DTNB: variants seen among roughly 807,000 people sequenced by gnomAD.
The protein encoded by DTNB is dystrobrevin beta.
DTNB carries 63 observed loss-of-function variants against 90.7 expected under a neutral mutation model. The ratio of observed to expected loss-of-function variants is 0.69; its 90% CI spans 0.57 to 0.86. DTNB has a LOEUF of 0.86. DTNB is among the 40% of genes least tolerant of loss of function. DTNB has a pLI of 0.00. For missense variants in DTNB, 744 were observed against 807.1 expected, an observed-to-expected ratio of 0.92 and a Z score of 0.95; for synonymous variants, 277 against 286.7, an observed-to-expected ratio of 0.97 and a Z score of 0.34.
intron 12 of DTNB, among the ~76,000 whole-genome samples, chr2:25,443,822 A>T (rs2057956742): frequency 6.6e-6 from 1 of 152,256 alleles, no homozygotes; most frequent in South Asian, 2.1e-4. Context: ...ATATATTTTT[A>T]AAATACTTCA....
intron 9 of DTNB, among the ~76,000 whole-genome samples, chr2:25,513,074 TGAAA>T (rs996856990): frequency 1.3e-5 from 2 of 152,144 alleles, no homozygotes; most frequent in African/African-American, 4.8e-5. Flanking sequence ...TTGAGAAGAA[TGAAA>T]GAGAGCTAAC....
At chr2:25,465,816 T>C (rs763824778) in intron 10 of DTNB, among the ~76,000 whole-genome samples, 37 of 152,214 alleles carry the variant, frequency 2.4e-4, no homozygotes, top group Non-Finnish European at 5.0e-4. Flanking sequence ...CCATTCACTC[T>C]CTATTTTTCT....
intron 10 of DTNB, among the ~76,000 whole-genome samples, chr2:25,472,471 C>A (rs2062986351): frequency 1.3e-5 from 2 of 152,222 alleles, no homozygotes; most frequent in South Asian, 4.2e-4. Context: ...GAAGGGCTGG[C>A]AAGGGTCAGC....
At chr2:25,619,504 C>T (rs886774020) in intron 4 of DTNB, among the ~76,000 whole-genome samples, 1 of 152,168 alleles carries the variant, frequency 6.6e-6, no homozygotes, top group East Asian at 1.9e-4. Flanking sequence ...AGAATGCCTG[C>T]TGCTTTTCAT....
chr2:25,419,307 G>A lies in DTNB; in HGVS notation c.1575+208C>T, dbSNP rs750745202. The A allele has an allele frequency of 2.6e-4, 180 of 705,126 alleles. 1 individual carries two copies. Among genetic ancestry groups the A allele is most frequent in the Middle Eastern group, 4.8e-4 (2 of 4,196 alleles). The allele number at this position is 705,126 out of a possible 1,614,324, so 43.7% of individuals were successfully genotyped here. ...AACAGATGGGTACTTACAAGCTCTGGTTTTAAGTAAGAACATGCTCTACTG... is the reference window on the plus strand; with the variant it reads ...AACAGATGGGTACTTACAAGCTCTGATTTTAAGTAAGAACATGCTCTACTG... On this transcript the variant is annotated intron_variant, in intron 16 of 20. Coordinates refer to ENST00000406818, the MANE Select transcript of DTNB (RefSeq NM_021907.5).
At chr2:25,641,515 A>G (rs2078298846) in intron 2 of DTNB, among the ~76,000 whole-genome samples, 1 of 152,090 alleles carries the variant, frequency 6.6e-6, no homozygotes, top group Admixed American at 6.6e-5. Flanking sequence ...CTCCCACTTC[A>G]GCATCCTGAG....
intron 6 of DTNB, among the ~76,000 whole-genome samples, chr2:25,588,897 C>T (rs2062967958): frequency 6.6e-6 from 1 of 152,186 alleles, no homozygotes; most frequent in Non-Finnish European, 1.5e-5. Context: ...TACTAATCCA[C>T]ACCAAAGTAC....
chr2:25,499,181 CAA>C lies in DTNB; in HGVS notation c.1002-16310_1002-16309del, dbSNP rs34793068. Among the ~76,000 whole-genome samples, 50 of 142,386 alleles carry C rather than the reference CAA, an allele frequency of 3.5e-4. No individual in the cohort carries two copies. In the South Asian group the frequency reaches 0.011, roughly 32 times the overall value. 93.4% of individuals were successfully genotyped at this position (142,386 alleles called of 152,430 possible). A position where few individuals can be genotyped will look rare whatever the true frequency, so the allele number is the denominator to read the frequency against. ...GCACTCAGTCGAGATCGTGTCATTGCAAAAAAAAAAACCAAACAAACAAAAAC... is the reference window on the plus strand; with the variant it reads ...GCACTCAGTCGAGATCGTGTCATTGCAAAAAAAAACCAAACAAACAAAAAC... On this transcript the variant is annotated intron_variant, in intron 9 of 20. Transcript: ENST00000406818.
chr2:25,595,939 A>T, intron 6 of DTNB, 147 bp downstream of exon 6: 5 of 406,952 alleles, frequency 1.2e-5, no homozygotes, highest in East Asian at 2.3e-4. Flanking sequence ...CCCCGCTTTT[A>T]TTCATCCACT....
At chr2:25,436,030 G>A (rs2055637704) in intron 12 of DTNB, among the ~76,000 whole-genome samples, 1 of 152,138 alleles carries the variant, frequency 6.6e-6, no homozygotes, top group Admixed American at 6.6e-5. Context: ...TCTGACCCTT[G>A]TTAACTCCTT....
At chr2:25,556,071 CTTA>C (rs1051537972) in intron 8 of DTNB, among the ~76,000 whole-genome samples, 1 of 151,194 alleles carries the variant, frequency 6.6e-6, no homozygotes, top group African/African-American at 2.4e-5. Flanking sequence ...ATCTATTTCA[CTTA>C]TTATGACTAC....
At chr2:25,655,068 G>A (rs964648566) in intron 1 of DTNB, among the ~76,000 whole-genome samples, 6 of 152,194 alleles carry the variant, frequency 3.9e-5, no homozygotes, top group Non-Finnish European at 8.8e-5. Context: ...ACCAGGCTAC[G>A]CTAAGGTCTA....
intron 4 of DTNB, among the ~76,000 whole-genome samples, chr2:25,610,715 C>A (rs936461790): frequency 1.4e-5 from 2 of 147,500 alleles, no homozygotes; most frequent in African/African-American, 5.0e-5. Flanking sequence ...AACTTCTATC[C>A]TTTTTTTTTT....
chr2:25,381,792 A>G (rs756830500), intron 19 of DTNB, among the ~76,000 whole-genome samples: 8 of 152,192 alleles, frequency 5.3e-5, no homozygotes, highest in Non-Finnish European at 1.2e-4. Flanking sequence ...GAATCTGCAG[A>G]ATCTTCTTCC....
intron 15 of DTNB, among the ~76,000 whole-genome samples, chr2:25,421,717 G>A (rs1247948321): frequency 6.6e-6 from 1 of 152,190 alleles, no homozygotes; most frequent in Non-Finnish European, 1.5e-5. Context: ...CTGTTTCTAA[G>A]ACATCTCCCT....
intron 8 of DTNB, among the ~76,000 whole-genome samples, chr2:25,554,739 T>C (rs979695332): frequency 7.2e-5 from 11 of 152,172 alleles, no homozygotes; most frequent in African/African-American, 2.7e-4. Context: ...ATGGAGATCA[T>C]TTGAAAAAGA....
At chr2:25,478,097 T>C (rs963546566) in intron 10 of DTNB, among the ~76,000 whole-genome samples, 2 of 152,142 alleles carry the variant, frequency 1.3e-5, no homozygotes, top group Non-Finnish European at 2.9e-5. Flanking sequence ...TGACTTAATA[T>C]GCCATGCTAT....
At chr2:25,406,656 A>G (rs60462983) in intron 16 of DTNB, among the ~76,000 whole-genome samples, 20,176 of 152,194 alleles carry the variant, frequency 0.13, 2,145 homozygotes, top group East Asian at 0.59. Context: ...ACTTGCAAAA[A>G]GAGAGTTAAC....
intron 9 of DTNB, among the ~76,000 whole-genome samples, chr2:25,519,044 A>T (rs1307473019): frequency 6.6e-6 from 1 of 152,188 alleles, no homozygotes; most frequent in Non-Finnish European, 1.5e-5. Context: ...AAGCAAAATC[A>T]TGTCACCAAC....
Sources: allele counts gnomAD v4.1 joint callset (sites outside exome capture counted in the v4.1 genomes callset), GRCh38; gene constraint gnomAD v4.1.1; transcripts MANE v1.5; gene names NCBI Gene and HGNC (gene_info 2026-07-23, HGNC 2026-07-21).